Variants in SULF2 observed in about 807,000 individuals in gnomAD.
SULF2 encodes sulfatase 2, also known as extracellular sulfatase Sulf-2.
In SULF2, 52 loss-of-function variants were observed where a neutral mutation model predicts 107.7. That is an observed-to-expected ratio of 0.48 (90% CI 0.39 to 0.61). The LOEUF (loss-of-function observed/expected upper bound fraction) is 0.61, where lower values mean the gene tolerates loss of function less well. SULF2 is among the 20% of genes least tolerant of loss of function. The probability of loss-of-function intolerance (pLI) is 0.00; values close to 1 mark genes in which losing one functional copy is unlikely to be tolerated. For synonymous variants in SULF2, 460 were observed against 464.3 expected, an observed-to-expected ratio of 0.99 and a Z score of 0.12; for missense variants, 993 against 1,177.3, an observed-to-expected ratio of 0.84 and a Z score of 2.29.
chr20:47,752,076 G>A (rs2090168918), intron 2 of SULF2, among the ~76,000 whole-genome samples: 2 of 152,372 alleles, frequency 1.3e-5, no homozygotes, highest in African/African-American at 4.8e-5. Context: ...CAGCTGGGAG[G>A]AGACTCTAAT....
At position 47,757,284 on chromosome 20, in the gene SULF2, G is replaced by A. The variant is rs200007986; in HGVS notation, c.80C>T (p.Ser27Leu). Reference protein sequence around the residue: ...SLLGGSSAFLSHHRLKGRFQR... With the variant: ...SLLGGSSAFLLHHRLKGRFQR... The stretch of plus-strand genomic sequence containing the variant: ...AAACCTGCCTTTCAGGCGGTGGTGC[G>A]ACAGGAAGGCCGAGCTTCCACCCAG... The change falls in exon 2 of 21, where the codon TCG (serine) becomes TTG (leucine). Residue 27 changes from serine to leucine, a missense_variant. Transcript: ENST00000688720. The A allele has an allele frequency of 2.0e-4, 324 of 1,590,750 alleles. 1 individual carries two copies. The highest frequency in any genetic ancestry group is 2.5e-4 in the Non-Finnish European group (297 of 1,167,934).
rs953556500 is a variant in SULF2 at position 47,680,191 on chromosome 20, A to C, written c.1065-1387T>G. On this transcript the variant is annotated intron_variant, in intron 7 of 20. Transcript: ENST00000688720. This position sits in a 1 kb window ranked among gnomAD's most constrained non-coding sequence, Gnocchi z 4.2. Reference sequence around the variant, plus strand: ...ATGATCCTGGCTCACTGCAACCTCCACCTCCTGGGTTCAAGCGATTCTCAT... The same window carrying C: ...ATGATCCTGGCTCACTGCAACCTCCCCCTCCTGGGTTCAAGCGATTCTCAT... Among the ~76,000 whole-genome samples, 1 of 151,954 alleles carries C rather than the reference A, an allele frequency of 6.6e-6. No homozygotes were observed. Among genetic ancestry groups the C allele is most frequent in the African/African-American group, 2.4e-5 (1 of 41,372 alleles).
At chr20:47,764,410 G>C (rs2090483429) in intron 1 of SULF2, among the ~76,000 whole-genome samples, 3 of 120,050 alleles carry the variant, frequency 2.5e-5, no homozygotes, top group African/African-American at 1.1e-4. Context: ...AACAGCCCCT[G>C]TTAGTGCTTT....
chr20:47,698,481 G>A (rs1401368403), intron 4 of SULF2, among the ~76,000 whole-genome samples: 1 of 151,948 alleles, frequency 6.6e-6, no homozygotes, highest in Non-Finnish European at 1.5e-5. Flanking sequence ...AAGCTGGGAG[G>A]ATATAAGGAA....
At chr20:47,671,563 C>T (rs968541405) in intron 11 of SULF2, among the ~76,000 whole-genome samples, 3 of 151,178 alleles carry the variant, frequency 2.0e-5, no homozygotes, top group African/African-American at 4.9e-5. Context: ...TGTGAGCCAC[C>T]GCGCCCAGCC....
rs78625981 is a variant in SULF2 at position 47,671,169 on chromosome 20, C to T, written c.1576+1029G>A. ...TCTAGAAGAGTCCCTCTCTCCACTT[C>T]GCCTGCTCCCTGGCTTCTGTCTGAC... is the stretch of plus-strand genomic sequence containing the variant. On this transcript the variant is annotated intron_variant, in intron 11 of 20. Coordinates refer to ENST00000688720, the MANE Select transcript of SULF2 (RefSeq NM_001387048.1). Among the ~76,000 whole-genome samples, 844 of 152,324 alleles carry T rather than the reference C, an allele frequency of 5.5e-3. 3 individuals are homozygous for T. The highest frequency in any genetic ancestry group is 9.1e-3 in the Non-Finnish European group (617 of 68,026).
At chr20:47,777,507 G>A (rs1600696571) in intron 1 of SULF2, among the ~76,000 whole-genome samples, 1 of 152,262 alleles carries the variant, frequency 6.6e-6, no homozygotes, top group Admixed American at 6.5e-5. Context: ...GACCTTGGAT[G>A]ACACTGTTGT....
At chr20:47,779,463 T>G (rs2090783186) in intron 1 of SULF2, among the ~76,000 whole-genome samples, 1 of 152,144 alleles carries the variant, frequency 6.6e-6, no homozygotes, top group Admixed American at 6.5e-5. Context: ...TCCAAGCCAC[T>G]CTCGGGCCCT....
chr20:47,757,108 G>A lies in SULF2; in HGVS notation c.175+81C>T, dbSNP rs985243351. 3.9e-6 allele frequency: 5 copies of A among 1,297,936 alleles called. No individual in the cohort carries two copies. The highest frequency in any genetic ancestry group is 5.2e-6 in the Non-Finnish European group (5 of 962,814). The allele number at this position is 1,297,936 out of a possible 1,614,324, so 80.4% of individuals were successfully genotyped here. A position where few individuals can be genotyped will look rare whatever the true frequency, so the allele number is the denominator to read the frequency against. The stretch of plus-strand genomic sequence containing the variant: ...GTGAGCACGACGCATCAACACCACC[G>A]CCTTGCCTCAGGAGCCTCAGCCTAA... On this transcript the variant is annotated intron_variant, in intron 2 of 20. Transcript: ENST00000688720.
intron 2 of SULF2, among the ~76,000 whole-genome samples, chr20:47,747,454 G>A (rs1600640038): frequency 1.3e-5 from 2 of 152,286 alleles, no homozygotes; most frequent in East Asian, 3.9e-4. Context: ...AACCATAGCA[G>A]AGAGGTGGCA....
At chr20:47,756,045 C>T (rs1568908365) in intron 2 of SULF2, among the ~76,000 whole-genome samples, 1 of 152,118 alleles carries the variant, frequency 6.6e-6, no homozygotes, top group Non-Finnish European at 1.5e-5. Context: ...GCAACAAATG[C>T]GTAATAAACA....
chr20:47,723,021 C>T (rs550743796), intron 3 of SULF2, among the ~76,000 whole-genome samples: 2 of 152,098 alleles, frequency 1.3e-5, no homozygotes, highest in Non-Finnish European at 1.5e-5. Context: ...GAACCAAGAT[C>T]GTGGCACAGC....
chr20:47,721,370 AT>A (rs5841706), intron 3 of SULF2, among the ~76,000 whole-genome samples: 80,993 of 147,846 alleles, frequency 0.55, 22,281 homozygotes, highest in Middle Eastern at 0.75. Context: ...AGAAGAAGCT[AT>A]TTTTTTTTTT....
chr20:47,755,688 C>A (rs2090264826), intron 2 of SULF2, among the ~76,000 whole-genome samples: 1 of 152,162 alleles, frequency 6.6e-6, no homozygotes, highest in Non-Finnish European at 1.5e-5. Context: ...TGCCCTTACC[C>A]CTGCGATTTA....
chr20:47,667,752 C>T (rs1602593226), intron 11 of SULF2, among the ~76,000 whole-genome samples: 4 of 152,234 alleles, frequency 2.6e-5, no homozygotes, highest in African/African-American at 9.6e-5. Context: ...CAGTTAGTGA[C>T]CCAGGTTTTG....
At chr20:47,770,623 T>C (rs2090612224) in intron 1 of SULF2, among the ~76,000 whole-genome samples, 1 of 152,210 alleles carries the variant, frequency 6.6e-6, no homozygotes, top group Non-Finnish European at 1.5e-5. Flanking sequence ...TCTTTTATTC[T>C]CAGAGGCTCC....
At chr20:47,774,274 G>C (rs1350504992) in intron 1 of SULF2, among the ~76,000 whole-genome samples, 1 of 152,242 alleles carries the variant, frequency 6.6e-6, no homozygotes, top group African/African-American at 2.4e-5. Context: ...GCTGAGATTA[G>C]TCTGGATCAG....
chr20:47,771,667 CCT>C (rs2090632957), intron 1 of SULF2, among the ~76,000 whole-genome samples: 1 of 152,064 alleles, frequency 6.6e-6, no homozygotes. Context: ...CCTGGGAGCC[CCT>C]CTCATCAGGC....
At chr20:47,729,520 C>T (rs913728250) in intron 3 of SULF2, among the ~76,000 whole-genome samples, 1 of 152,002 alleles carries the variant, frequency 6.6e-6, no homozygotes, top group Non-Finnish European at 1.5e-5. Context: ...AGAGGGGACT[C>T]TGGGCATATT....
Sources: gnomAD v4.1 joint callset for allele counts (sites outside exome capture counted in the v4.1 genomes callset) on GRCh38, gnomAD v4.1.1 for gene constraint, Gnocchi (gnomAD v3.1) non-coding constraint, MANE v1.5 for transcripts, NCBI Gene and HGNC (gene_info 2026-07-23, HGNC 2026-07-21) for gene names.